Variants in RPA1 observed in about 807,000 individuals in gnomAD.
RPA1 encodes replication protein A 70 kDa DNA-binding subunit.
A neutral mutation model predicts 83.0 loss-of-function variants in RPA1; 49 were observed. The observed-to-expected ratio is 0.59, with a 90% CI of 0.47 to 0.75. RPA1 has a LOEUF of 0.75. Among genes scored for constraint, RPA1 ranks in the 30% least tolerant of loss-of-function variants. The probability of loss-of-function intolerance (pLI) is 0.00; values close to 1 mark genes in which losing one functional copy is unlikely to be tolerated. For synonymous variants in RPA1, 279 were observed against 281.8 expected (o/e 0.99, Z 0.10); for missense variants, 693 against 776.1 (o/e 0.89, Z 1.27).
At chr17:1,875,982 T>A (rs999277018) in intron 7 of RPA1, among the ~76,000 whole-genome samples, 189 bp downstream of exon 7, 2 of 151,438 alleles carry the variant, frequency 1.3e-5, no homozygotes, top group Non-Finnish European at 2.9e-5. Flanking sequence ...AACTTTTAAC[T>A]CTTGTTGGAA....
intron 12 of RPA1, among the ~76,000 whole-genome samples, chr17:1,882,055 G>A (rs1292776211): frequency 1.3e-5 from 2 of 151,900 alleles, no homozygotes; most frequent in East Asian, 1.9e-4. Context: ...GCAGCTCAGG[G>A]TAACATCCAT....
intron 5 of RPA1, among the ~76,000 whole-genome samples, chr17:1,854,668 C>A (rs4605198): frequency 0.059 from 9,031 of 152,224 alleles, 881 homozygotes; most frequent in African/African-American, 0.2. Flanking sequence ...GGCACCACTG[C>A]CCTCCAGCCT....
At chr17:1,842,556 A>G (rs4790825) in intron 1 of RPA1, among the ~76,000 whole-genome samples, 131,865 of 152,194 alleles carry the variant, frequency 0.87, 57,447 homozygotes, top group Non-Finnish European at 0.92. Flanking sequence ...ATGGCTGTTA[A>G]GAATAACGAG....
At chr17:1,871,040 TA>T (rs1318496548) in intron 5 of RPA1, among the ~76,000 whole-genome samples, 1 of 152,198 alleles carries the variant, frequency 6.6e-6, no homozygotes, top group Non-Finnish European at 1.5e-5. Flanking sequence ...CTATTGATTT[TA>T]AAAAAGGTCC....
chr17:1,863,184 ATTTATTTTATTTTATTTTATTTTAT>A lies in RPA1; in HGVS notation c.362-9231_362-9207del, dbSNP rs71375562. ...GAGCGTGAACCACCACGCCCAACTA[ATTTATTTTATTTTATTTTATTTTAT>A]TTTATTTTATTTTATTTTTTTGAGA... On this transcript the variant is annotated intron_variant, in intron 5 of 16. Transcript: ENST00000254719. Among the ~76,000 whole-genome samples, 103 of 138,778 alleles carry A rather than the reference ATTTATTTTATTTTATTTTATTTTAT, an allele frequency of 7.4e-4. 2 individuals carry two copies. Among genetic ancestry groups the A allele is most frequent in the Admixed American group, 8.0e-4 (11 of 13,666 alleles). The allele number at this position is 138,778 out of a possible 152,430, so 91.0% of individuals were successfully genotyped here.
chr17:1,881,945 G>A (rs556842559), intron 12 of RPA1, among the ~76,000 whole-genome samples: 2 of 152,330 alleles, frequency 1.3e-5, no homozygotes, highest in Admixed American at 6.5e-5. Flanking sequence ...TTTTGAAACC[G>A]TGAACTTGTG....
Position 1,889,950 on chromosome 17 carries a change from A to C in RPA1, c.1551+1099A>C, listed in dbSNP as rs1203073242. Among the ~76,000 whole-genome samples, 3 of 151,558 alleles carry C rather than the reference A, an allele frequency of 2.0e-5. No individual in the cohort carries two copies. The East Asian group carries it at 5.9e-4, about 30-fold the overall frequency. On this transcript the variant is annotated intron_variant, in intron 14 of 16. Transcript: ENST00000254719. ...GGGAGGCAGAGGTTGCAGTGAGCCGAGATCACACCACTGCACTCCAGCCCG... is the reference window on the plus strand; with the variant it reads ...GGGAGGCAGAGGTTGCAGTGAGCCGCGATCACACCACTGCACTCCAGCCCG...
chr17:1,859,006 G>A (rs776256745), intron 5 of RPA1, among the ~76,000 whole-genome samples: 36 of 151,038 alleles, frequency 2.4e-4, no homozygotes, highest in Admixed American at 4.0e-4. Context: ...AGGTTCAAGC[G>A]ATTCTCCTAT....
At chr17:1,887,646 G>A (rs1445057259) in intron 13 of RPA1, among the ~76,000 whole-genome samples, 1 of 151,810 alleles carries the variant, frequency 6.6e-6, no homozygotes, top group Non-Finnish European at 1.5e-5. Context: ...CTAGCACTTC[G>A]GGAGGCCAAG....
intron 15 of RPA1, among the ~76,000 whole-genome samples, chr17:1,892,313 G>A (rs1438984550): frequency 6.6e-6 from 1 of 152,002 alleles, no homozygotes; most frequent in Non-Finnish European, 1.5e-5. Context: ...CCCAACACTG[G>A]CCCTCTTTTT....
chr17:1,875,790 C>A lies in RPA1; in HGVS notation c.584C>A (p.Ser195Tyr). ...ATTGCCAGCCTCACTCCTTACCAGT[C>A]CAAGTGAGTTGTTGCATAGAGTAAG... Reference protein sequence around the residue: ...VPIASLTPYQSKWTICARVTN... With the variant: ...VPIASLTPYQYKWTICARVTN... The change falls in exon 7 of 17, where the codon TCC (serine) becomes TAC (tyrosine). Residue 195 changes from serine (S) to tyrosine (Y), a missense_variant. Transcript: ENST00000254719. The A allele has an allele frequency of 1.2e-6, 2 of 1,612,596 alleles. No individual in the cohort carries two copies. The highest frequency in any genetic ancestry group is 4.5e-5 in the East Asian group (2 of 44,852).
At chr17:1,875,621 A>G in intron 6 of RPA1, 40 bp from the exon 7 acceptor site, 1 of 1,086,080 alleles carries the variant, frequency 9.2e-7, no homozygotes, top group Non-Finnish European at 1.2e-6. Flanking sequence ...AGCTAAGTAG[A>G]ATAGTAATAA....
intron 5 of RPA1, among the ~76,000 whole-genome samples, chr17:1,860,890 T>C (rs1912931798): frequency 6.6e-6 from 1 of 152,184 alleles, no homozygotes; most frequent in Non-Finnish European, 1.5e-5. Flanking sequence ...GTTTGATCTT[T>C]TGGTGTGTTG....
rs572924250 is a variant in RPA1, at chr17:1,884,873, A to G, written c.1374+929A>G. 1.3e-5 allele frequency among the ~76,000 whole-genome samples: 2 copies of G among 152,140 alleles called. No homozygotes were observed. The highest frequency in any genetic ancestry group is 2.9e-5 in the Non-Finnish European group (2 of 68,020). ...ACTTTATTGCTGAAAAATGCTGACA[A>G]TCATCTGAGTCGTAATCTTCTTGCT... On this transcript the variant is annotated intron_variant, in intron 13 of 16. Coordinates refer to ENST00000254719, the MANE Select transcript of RPA1 (RefSeq NM_002945.5). This position sits in a 1 kb window ranked among gnomAD's most constrained non-coding sequence, Gnocchi z 4.1.
rs758121260 is a variant in RPA1, at chr17:1,883,846, T to G, written c.1276T>G (p.Ser426Ala). Residue 426 changes from serine (S) to alanine (A), a missense_variant, in exon 13 of 17, where the codon TCC (serine) becomes GCC (alanine). Transcript: ENST00000254719. ...AGAAGGACAAGCCTTAGATGGTGTT[T>G]CCATCTCTGATCTAAAGAGCGGCGG... ...DAEGQALDGV[S>A]ISDLKSGGVG... The G allele has an allele frequency of 2.1e-5, 34 of 1,614,034 alleles. No individual in the cohort carries two copies. The highest frequency in any genetic ancestry group is 2.9e-5 in the Non-Finnish European group (34 of 1,179,998).
At position 1,880,596 on chromosome 17, in the gene RPA1, A is replaced by C. The variant is rs1207404948; in HGVS notation, c.1146A>C (p.Arg382=). Residue 382 remains arginine (R), a synonymous_variant, in exon 12 of 17, where the codon CGA becomes CGC. Coordinates refer to ENST00000254719, the MANE Select transcript of RPA1 (RefSeq NM_002945.5). The part of the protein sequence containing the change: ...RQPVLAIKGA[R]VSDFGGRSLS... Reference sequence around the variant, plus strand: ...CCGTGTTGGCTATCAAAGGAGCCCGAGTCTCTGATTTCGGTGGACGGAGCC... The same window carrying C: ...CCGTGTTGGCTATCAAAGGAGCCCGCGTCTCTGATTTCGGTGGACGGAGCC... 3 of 1,613,998 alleles carry C rather than the reference A, an allele frequency of 1.9e-6. No homozygotes were observed. Among genetic ancestry groups the C allele is most frequent in the South Asian group, 2.2e-5 (2 of 91,070 alleles).
intron 8 of RPA1, 41 bp downstream of exon 8, chr17:1,877,355 G>A (rs201396404): frequency 2.9e-5 from 45 of 1,566,882 alleles, no homozygotes; most frequent in Middle Eastern, 1.7e-4. Context: ...CAGTGGGCTC[G>A]CCGGGAAACA....
At chr17:1,841,829 A>G (rs1912057268) in intron 1 of RPA1, among the ~76,000 whole-genome samples, 1 of 152,076 alleles carries the variant, frequency 6.6e-6, no homozygotes, top group Non-Finnish European at 1.5e-5. Context: ...GAGACTTTAT[A>G]ATGAGTAAGT....
intron 1 of RPA1, among the ~76,000 whole-genome samples, chr17:1,833,407 T>C (rs1555584364): frequency 6.6e-6 from 1 of 152,094 alleles, no homozygotes; most frequent in Non-Finnish European, 1.5e-5. Flanking sequence ...AAAGGCAGCT[T>C]GGGGGAAAAA....
Sources: allele counts gnomAD v4.1 joint callset (sites outside exome capture counted in the v4.1 genomes callset), GRCh38; gene constraint gnomAD v4.1.1; non-coding constraint Gnocchi (gnomAD v3.1); transcripts MANE v1.5; gene names NCBI Gene and HGNC (gene_info 2026-07-23, HGNC 2026-07-21).